Variants in FSTL5 observed in about 807,000 individuals in gnomAD.
The protein encoded by FSTL5 is follistatin-related protein 5.
In FSTL5, 62 loss-of-function variants were observed where a neutral mutation model predicts 89.1. The observed-to-expected ratio is 0.70, with a 90% CI of 0.57 to 0.86. The LOEUF (loss-of-function observed/expected upper bound fraction) is 0.86, where lower values mean the gene tolerates loss of function less well. Ranked by LOEUF, FSTL5 falls within the 40% of genes least tolerant of loss-of-function variation. FSTL5 has a pLI of 0.00. For synonymous variants in FSTL5, 383 were observed against 346.2 expected, an observed-to-expected ratio of 1.11 and a Z score of -1.18; for missense variants, 1,057 against 1,001.6, an observed-to-expected ratio of 1.06 and a Z score of -0.75.
intron 4 of FSTL5, among the ~76,000 whole-genome samples, chr4:161,855,223 G>A (rs1320026124): frequency 1.3e-5 from 2 of 151,918 alleles, no homozygotes; most frequent in African/African-American, 2.4e-5. Context: ...TTTATGCTCT[G>A]GGCTGTGTAA....
At chr4:161,715,021 T>A (rs1407535052) in intron 6 of FSTL5, among the ~76,000 whole-genome samples, 1 of 152,144 alleles carries the variant, frequency 6.6e-6, no homozygotes, top group Admixed American at 6.5e-5. Context: ...CCATATAAAA[T>A]ATTTGAACAA....
At chr4:162,049,286 C>G (rs1010964708) in intron 2 of FSTL5, among the ~76,000 whole-genome samples, 1 of 152,234 alleles carries the variant, frequency 6.6e-6, no homozygotes, top group South Asian at 2.1e-4. Context: ...TCAATGGATG[C>G]TCTTTACATC....
chr4:161,955,837 C>T lies in FSTL5; in HGVS notation c.161-35185G>A, dbSNP rs868139177. Among the ~76,000 whole-genome samples the T allele has an allele frequency of 3.3e-5, 5 of 151,622 alleles. No individual in the cohort carries two copies. In the South Asian group the frequency reaches 8.3e-4, roughly 25 times the overall value. On this transcript the variant is annotated intron_variant, in intron 3 of 15. Transcript: ENST00000306100. ...CTAATGTAAAAATGAGACAATTAGACGTTTTAACCAATAAAATAGAAGAGA... is the reference window on the plus strand; with the variant it reads ...CTAATGTAAAAATGAGACAATTAGATGTTTTAACCAATAAAATAGAAGAGA...
intron 5 of FSTL5, among the ~76,000 whole-genome samples, chr4:161,773,026 C>T (rs1395281763): frequency 6.6e-6 from 1 of 152,076 alleles, no homozygotes; most frequent in East Asian, 1.9e-4. Context: ...GAATAGAGAG[C>T]TCAGAAATAA....
At chr4:161,674,646 T>C (rs1262706918) in intron 6 of FSTL5, among the ~76,000 whole-genome samples, 1 of 152,144 alleles carries the variant, frequency 6.6e-6, no homozygotes, top group Non-Finnish European at 1.5e-5. Flanking sequence ...CTGCAAAGTG[T>C]CTCCCTCACG....
chr4:161,551,553 A>G (rs898399221), intron 8 of FSTL5, among the ~76,000 whole-genome samples: 67 of 151,968 alleles, frequency 4.4e-4, no homozygotes, highest in African/African-American at 1.6e-3. Flanking sequence ...AAAGAACAAA[A>G]CTGGAGGCAT....
At chr4:161,695,286 T>G (rs1438895219) in intron 6 of FSTL5, among the ~76,000 whole-genome samples, 1 of 152,038 alleles carries the variant, frequency 6.6e-6, no homozygotes, top group Admixed American at 6.5e-5. Flanking sequence ...TAGCTCCCAC[T>G]TATGAGTAAG....
At chr4:161,718,569 C>A (rs1180308257) in intron 6 of FSTL5, among the ~76,000 whole-genome samples, 1 of 152,158 alleles carries the variant, frequency 6.6e-6, no homozygotes, top group South Asian at 2.1e-4. Context: ...GCTGTGACTA[C>A]AGGTGCGTGC....
chr4:162,059,086 T>A (rs1046439007), intron 2 of FSTL5, among the ~76,000 whole-genome samples: 1 of 152,160 alleles, frequency 6.6e-6, no homozygotes, highest in Admixed American at 6.6e-5. Flanking sequence ...AAATGATTAA[T>A]ACTTAAAGGG....
intron 2 of FSTL5, among the ~76,000 whole-genome samples, chr4:162,096,825 T>A (rs567041613): frequency 2.0e-5 from 3 of 151,966 alleles, no homozygotes; most frequent in Non-Finnish European, 4.4e-5. Context: ...AAAAATTTTT[T>A]AACGTTAACA....
chr4:161,610,614 G>C (rs1282730910), intron 7 of FSTL5, among the ~76,000 whole-genome samples: 1 of 152,008 alleles, frequency 6.6e-6, no homozygotes, highest in Non-Finnish European at 1.5e-5. Context: ...TTTCAGCACA[G>C]GCAACAGTTT....
At chr4:162,151,212 A>G (rs1176109841) in intron 1 of FSTL5, among the ~76,000 whole-genome samples, 1 of 152,124 alleles carries the variant, frequency 6.6e-6, no homozygotes, top group East Asian at 1.9e-4. Flanking sequence ...TAATTGGAAA[A>G]AGTTTTTAAA....
At chr4:161,608,807 C>G (rs1031112623) in intron 7 of FSTL5, among the ~76,000 whole-genome samples, 12 of 151,932 alleles carry the variant, frequency 7.9e-5, no homozygotes, top group African/African-American at 2.4e-4. Context: ...TTTGATGACT[C>G]CCTAGACTTT....
chr4:161,395,378 A>T (rs1730961183), intron 15 of FSTL5, among the ~76,000 whole-genome samples: 1 of 152,076 alleles, frequency 6.6e-6, no homozygotes, highest in Non-Finnish European at 1.5e-5. Flanking sequence ...GACTATTAGC[A>T]ACTAAAAAGG....
chr4:162,087,352 G>C (rs1447357000), intron 2 of FSTL5, among the ~76,000 whole-genome samples: 1 of 151,940 alleles, frequency 6.6e-6, no homozygotes, highest in Non-Finnish European at 1.5e-5. Context: ...AAACTGTAAA[G>C]CACAGAAAAC....
chr4:162,012,076 C>T (rs1403176284), intron 3 of FSTL5, among the ~76,000 whole-genome samples: 2 of 152,108 alleles, frequency 1.3e-5, no homozygotes, highest in Non-Finnish European at 2.9e-5. Context: ...TCAGTAAGCG[C>T]GTACAGCTCT....
intron 6 of FSTL5, among the ~76,000 whole-genome samples, chr4:161,698,625 G>C (rs771899897): frequency 2.6e-5 from 4 of 152,100 alleles, no homozygotes; most frequent in Non-Finnish European, 4.4e-5. Context: ...GTAAGAGAGA[G>C]TGAATCTAAA....
At chr4:162,014,396 T>C (rs1736856808) in intron 3 of FSTL5, among the ~76,000 whole-genome samples, 1 of 152,230 alleles carries the variant, frequency 6.6e-6, no homozygotes, top group Non-Finnish European at 1.5e-5. Context: ...TTAAATCTGA[T>C]GTTTCAAATT....
intron 4 of FSTL5, among the ~76,000 whole-genome samples, chr4:161,882,492 T>C (rs919922423): frequency 6.6e-6 from 1 of 152,152 alleles, no homozygotes; most frequent in Non-Finnish European, 1.5e-5. Context: ...TTTTCTGTTC[T>C]TATCTGTTTG....
Sources: allele counts gnomAD v4.1 joint callset (sites outside exome capture counted in the v4.1 genomes callset), GRCh38; gene constraint gnomAD v4.1.1; transcripts MANE v1.5; gene names NCBI Gene and HGNC (gene_info 2026-07-23, HGNC 2026-07-21).